Variants in OSBPL6 observed in about 807,000 individuals in gnomAD.
The protein encoded by OSBPL6 is oxysterol binding protein like 6, also known as oxysterol-binding protein-related protein 6.
In OSBPL6, 49 loss-of-function variants were observed where a neutral mutation model predicts 125.8. The observed-to-expected ratio is 0.39, with a 90% CI of 0.31 to 0.49. OSBPL6 has a LOEUF of 0.49. OSBPL6 is among the 20% of genes least tolerant of loss of function. The probability of loss-of-function intolerance (pLI) is 0.88; values close to 1 mark genes in which losing one functional copy is unlikely to be tolerated. For synonymous variants in OSBPL6, 394 were observed against 391.8 expected (o/e 1.01, Z -0.07); for missense variants, 986 against 1,135.4 (o/e 0.87, Z 1.89).
At chr2:178,232,477 A>T (rs939371148) in intron 1 of OSBPL6, among the ~76,000 whole-genome samples, 24 of 152,178 alleles carry the variant, frequency 1.6e-4, no homozygotes, top group African/African-American at 5.8e-4. Context: ...TATTGAACCT[A>T]TCTGAGCCTC....
chr2:178,399,819 T>G lies in OSBPL6; in HGVS notation c.*4260T>G, dbSNP rs1313191823. 2 of 152,224 alleles carry G rather than the reference T, an allele frequency of 1.3e-5. No homozygotes were observed. Among genetic ancestry groups the G allele is most frequent in the Non-Finnish European group, 2.9e-5 (2 of 68,032 alleles). 9.4% of individuals were successfully genotyped at this position (152,224 alleles called of 1,614,324 possible). A position where few individuals can be genotyped will look rare whatever the true frequency, so the allele number is the denominator to read the frequency against. On this transcript the variant is annotated 3_prime_UTR_variant, in exon 25 of 25. Transcript: ENST00000190611. Reference sequence around the variant, plus strand: ...GTACAGTTTCAGAGACATTCAATATTGAAAACCACTTCAGTTAGCCTCCTA... The same window carrying G: ...GTACAGTTTCAGAGACATTCAATATGGAAAACCACTTCAGTTAGCCTCCTA...
chr2:178,279,366 T>C (rs1389038695), intron 1 of OSBPL6, among the ~76,000 whole-genome samples: 1 of 152,222 alleles, frequency 6.6e-6, no homozygotes, highest in Non-Finnish European at 1.5e-5. Flanking sequence ...GCAAAGATAA[T>C]GGATCATTTG....
At chr2:178,327,001 G>A (rs1471070596) in intron 4 of OSBPL6, among the ~76,000 whole-genome samples, 2 of 151,590 alleles carry the variant, frequency 1.3e-5, no homozygotes, top group South Asian at 2.1e-4. Context: ...AAACTTTGGG[G>A]GCTCTGGGGA....
intron 2 of OSBPL6, among the ~76,000 whole-genome samples, chr2:178,287,922 G>A (rs549910664): frequency 6.6e-6 from 1 of 151,820 alleles, no homozygotes; most frequent in South Asian, 2.1e-4. Flanking sequence ...AAAAATTGTA[G>A]GGAGGGCTTA....
chr2:178,336,389 C>T lies in OSBPL6; in HGVS notation c.746C>T (p.Ala249Val). 2 of 1,614,080 alleles carry T rather than the reference C, an allele frequency of 1.2e-6. No homozygotes were observed. The highest frequency in any genetic ancestry group is 2.7e-5 in the African/African-American group (2 of 75,030). The change falls in exon 9 of 25, where the codon GCA becomes GTA. Residue 249 changes from alanine to valine, a missense_variant. Physicochemically the swap from Ala to Val is moderately conservative, Grantham distance 64. Around this residue, in one of 3 missense-constraint regions of OSBPL6, gnomAD observed 843 missense variants for 997.3 expected, o/e 0.85. Coordinates refer to ENST00000190611, the MANE Select transcript of OSBPL6 (RefSeq NM_032523.4). ...ATCTTGQSKV[A>V]AWLQDSEEMD... is the part of the protein sequence containing the mutation. ...TGCACAACTGGCCAGAGTAAAGTGG[C>T]AGCCTGGTTACAGGACTCGGAAGAG... is the stretch of plus-strand genomic sequence containing the variant.
intron 12 of OSBPL6, among the ~76,000 whole-genome samples, chr2:178,354,737 C>G (rs913751226): frequency 6.6e-6 from 1 of 152,148 alleles, no homozygotes; most frequent in African/African-American, 2.4e-5. Context: ...CCAAGCAGAC[C>G]TAATAGACAT....
intron 3 of OSBPL6, among the ~76,000 whole-genome samples, chr2:178,313,740 A>G (rs1420210311): frequency 6.6e-6 from 1 of 152,234 alleles, no homozygotes. Context: ...TTTCCTATGT[A>G]TTATCAACAG....
At chr2:178,314,379 C>G (rs1339015744) in intron 3 of OSBPL6, among the ~76,000 whole-genome samples, 1 of 152,116 alleles carries the variant, frequency 6.6e-6, no homozygotes, top group Non-Finnish European at 1.5e-5. Flanking sequence ...GCAGGATGAC[C>G]CTGGAACCCA....
intron 11 of OSBPL6, among the ~76,000 whole-genome samples, chr2:178,341,566 A>G (rs948251638): frequency 6.6e-6 from 1 of 152,166 alleles, no homozygotes; most frequent in African/African-American, 2.4e-5. Context: ...TGACTTTGCT[A>G]AGGGTAATAA....
Position 178,375,452 on chromosome 2 carries a change from C to T in OSBPL6, c.1533+1425C>T, listed in dbSNP as rs942159216. 3.9e-5 allele frequency among the ~76,000 whole-genome samples: 6 copies of T among 152,174 alleles called. No homozygotes were observed. The East Asian group carries it at 7.7e-4, about 20-fold the overall frequency. ...TTGTTTTTGTTTTGAGACAGAGTTT[C>T]GCTCTTGTTGCCCGGGCTGGAGGGC... On this transcript the variant is annotated intron_variant, in intron 15 of 24. Transcript: ENST00000190611.
intron 23 of OSBPL6, among the ~76,000 whole-genome samples, chr2:178,393,308 C>T (rs185510580): frequency 6.6e-6 from 1 of 152,228 alleles, no homozygotes; most frequent in Admixed American, 6.5e-5. Context: ...GGTTTTGATC[C>T]CACAGAGTAT....
intron 1 of OSBPL6, among the ~76,000 whole-genome samples, chr2:178,230,793 C>CTTT (rs972729688): frequency 1.1e-4 from 16 of 152,192 alleles, no homozygotes; most frequent in African/African-American, 3.9e-4. Flanking sequence ...TGCAGTCTGC[C>CTTT]TTTTCCCTAT....
intron 1 of OSBPL6, among the ~76,000 whole-genome samples, chr2:178,249,977 A>G (rs2091636635): frequency 6.6e-6 from 1 of 152,144 alleles, no homozygotes; most frequent in African/African-American, 2.4e-5. Flanking sequence ...AGACATTTCA[A>G]ACTTTAAGTA....
chr2:178,387,145 T>C lies in OSBPL6; in HGVS notation c.2156+6T>C. ...CTGAATGTCATGCTTCCAAAGTAGG[T>C]GACTCACACCTCCCTTTTGGCCTCT... On this transcript the variant is annotated splice_donor_region_variant and intron_variant, in intron 20 of 24. Coordinates refer to ENST00000190611, the MANE Select transcript of OSBPL6 (RefSeq NM_032523.4). 6.3e-7 allele frequency: 1 copy of C among 1,599,854 alleles called. No homozygotes were observed. Among genetic ancestry groups the C allele is most frequent in the Non-Finnish European group, 8.6e-7 (1 of 1,167,624 alleles).
At chr2:178,223,572 G>A (rs922132274) in intron 1 of OSBPL6, among the ~76,000 whole-genome samples, 9 of 152,186 alleles carry the variant, frequency 5.9e-5, no homozygotes, top group Admixed American at 1.3e-4. Context: ...ATGGAGTGAC[G>A]TTTCCCAGGC....
intron 1 of OSBPL6, among the ~76,000 whole-genome samples, chr2:178,258,327 C>T (rs1220331766): frequency 3.3e-5 from 5 of 151,564 alleles, no homozygotes; most frequent in Non-Finnish European, 7.4e-5. Context: ...AACTTCTGGC[C>T]TCAAGCGATC....
intron 12 of OSBPL6, among the ~76,000 whole-genome samples, chr2:178,354,419 A>C (rs1272048115): frequency 6.6e-6 from 1 of 152,328 alleles, no homozygotes; most frequent in Admixed American, 6.5e-5. Context: ...AAAGCAAAAA[A>C]AAAGCAGGGG....
At chr2:178,321,074 C>T (rs4894011) in intron 3 of OSBPL6, among the ~76,000 whole-genome samples, 112,242 of 152,020 alleles carry the variant, frequency 0.74, 41,857 homozygotes, top group Middle Eastern at 0.8. Context: ...TCTCTTGAAC[C>T]CGGGAGGCGG....
chr2:178,262,124 A>T (rs192000338), intron 1 of OSBPL6, among the ~76,000 whole-genome samples: 97 of 152,350 alleles, frequency 6.4e-4, no homozygotes, highest in African/African-American at 2.3e-3. Flanking sequence ...GCAAAACATT[A>T]TAAGTATGTA....
Sources: gnomAD v4.1 joint callset for allele counts (sites outside exome capture counted in the v4.1 genomes callset) on GRCh38, gnomAD v4.1.1 for gene constraint, gnomAD v4.1.1 regional missense constraint, MANE v1.5 for transcripts, NCBI Gene and HGNC (gene_info 2026-07-23, HGNC 2026-07-21) for gene names.